The following LRP1B variants were observed in gnomAD, a reference collection of about 807,000 sequenced individuals.
LRP1B encodes the protein LDL receptor related protein 1B.
Under a neutral mutation model 556.6 loss-of-function variants are expected in LRP1B, and 217 were observed. That is an observed-to-expected ratio of 0.39 (90% CI 0.35 to 0.44). The LOEUF is 0.44. Among genes scored for constraint, LRP1B ranks in the 20% least tolerant of loss-of-function variants. The pLI is 1.00. For synonymous variants in LRP1B, 2,047 were observed against 1,865.8 expected (o/e 1.10, Z -2.50); for missense variants, 5,053 against 5,620.8 (o/e 0.90, Z 3.23).
chr2:141,431,481 A>G (rs183246305), intron 3 of LRP1B, among the ~76,000 whole-genome samples: 1 of 152,302 alleles, frequency 6.6e-6, no homozygotes, highest in Non-Finnish European at 1.5e-5. Flanking sequence ...AGTCCTTGCA[A>G]CTGTATAAAC....
intron 3 of LRP1B, among the ~76,000 whole-genome samples, chr2:141,333,259 T>C (rs368889547): frequency 2.0e-5 from 3 of 152,238 alleles, no homozygotes; most frequent in East Asian, 1.9e-4. Context: ...GGCACTAAGA[T>C]AGAAATATTT....
chr2:141,293,430 G>A (rs1281366680), intron 3 of LRP1B, among the ~76,000 whole-genome samples: 3 of 152,126 alleles, frequency 2.0e-5, no homozygotes, highest in Non-Finnish European at 4.4e-5. Context: ...TGAAACTGAA[G>A]TAACAATTCC....
At chr2:141,729,895 C>T (rs542240922) in intron 2 of LRP1B, among the ~76,000 whole-genome samples, 2 of 152,160 alleles carry the variant, frequency 1.3e-5, no homozygotes, top group African/African-American at 4.8e-5. Flanking sequence ...GAGCAAGAGT[C>T]TGATAACCTG....
At chr2:141,633,670 C>T (rs1325735307) in intron 2 of LRP1B, among the ~76,000 whole-genome samples, 1 of 151,980 alleles carries the variant, frequency 6.6e-6, no homozygotes, top group Non-Finnish European at 1.5e-5. Flanking sequence ...GCATTAAGTA[C>T]ATTCGCAGTG....
At chr2:141,127,789 TAA>T (rs1214439066) in intron 7 of LRP1B, among the ~76,000 whole-genome samples, 6 of 152,084 alleles carry the variant, frequency 3.9e-5, no homozygotes, top group African/African-American at 1.4e-4. Flanking sequence ...AAAATCACGC[TAA>T]GAGTCTCATT....
chr2:141,294,701 C>T (rs1016829041), intron 3 of LRP1B, among the ~76,000 whole-genome samples: 1 of 149,644 alleles, frequency 6.7e-6, no homozygotes, highest in Non-Finnish European at 1.5e-5. Context: ...GGCCACACCA[C>T]TGCATGCCAG....
At chr2:141,580,023 C>T (rs1686907944) in intron 2 of LRP1B, among the ~76,000 whole-genome samples, 1 of 152,116 alleles carries the variant, frequency 6.6e-6, no homozygotes. Flanking sequence ...TTTCTCTTTA[C>T]TGTTTTGATT....
intron 21 of LRP1B, among the ~76,000 whole-genome samples, chr2:140,918,613 T>C (rs1694649513): frequency 6.6e-6 from 1 of 152,118 alleles, no homozygotes; most frequent in African/African-American, 2.4e-5. Context: ...GTCGAAAGAA[T>C]GCAATCCCAC....
chr2:140,285,111 ATG>A (rs946655457), intron 84 of LRP1B, among the ~76,000 whole-genome samples: 1 of 149,930 alleles, frequency 6.7e-6, no homozygotes, highest in African/African-American at 2.4e-5. Flanking sequence ...CTATATATAT[ATG>A]TGTGTGTATA....
chr2:141,018,597 G>T (rs1456904761), intron 12 of LRP1B, among the ~76,000 whole-genome samples: 1 of 152,008 alleles, frequency 6.6e-6, no homozygotes, highest in Non-Finnish European at 1.5e-5. Flanking sequence ...CCACATTTAT[G>T]TCATCTCTTG....
intron 12 of LRP1B, among the ~76,000 whole-genome samples, chr2:141,016,794 C>T (rs1167619933): frequency 2.0e-5 from 3 of 152,014 alleles, no homozygotes; most frequent in African/African-American, 7.2e-5. Flanking sequence ...ATCTCATATA[C>T]AACTTTATAA....
chr2:141,200,842 G>C (rs1681982326), intron 6 of LRP1B, among the ~76,000 whole-genome samples: 1 of 152,134 alleles, frequency 6.6e-6, no homozygotes. Context: ...ATAGCCCATA[G>C]TAAGTGTTCC....
At chr2:140,671,582 C>T (rs966101227) in intron 41 of LRP1B, among the ~76,000 whole-genome samples, 14 of 152,180 alleles carry the variant, frequency 9.2e-5, no homozygotes. Flanking sequence ...AGGGAACATG[C>T]ACATTCCTTG....
chr2:141,277,615 G>T (rs72979280), intron 3 of LRP1B, among the ~76,000 whole-genome samples: 2,748 of 150,914 alleles, frequency 0.018, 77 homozygotes, highest in African/African-American at 0.063. Context: ...TATATAATCA[G>T]AAAATATATG....
At chr2:141,306,312 C>T (rs1686585872) in intron 3 of LRP1B, among the ~76,000 whole-genome samples, 3 of 151,978 alleles carry the variant, frequency 2.0e-5, no homozygotes, top group African/African-American at 7.2e-5. Context: ...TTTTATCACT[C>T]ATTATTGGGT....
intron 1 of LRP1B, among the ~76,000 whole-genome samples, chr2:142,107,794 ATTTTT>A (rs67962280): frequency 0.055 from 6,060 of 110,652 alleles, 409 homozygotes; most frequent in African/African-American, 0.19. Flanking sequence ...CGCCTAGCTA[ATTTTT>A]TTTTTTTTTT....
At chr2:140,293,268 T>C (rs1683466189) in intron 84 of LRP1B, among the ~76,000 whole-genome samples, 1 of 152,198 alleles carries the variant, frequency 6.6e-6, no homozygotes, top group African/African-American at 2.4e-5. Flanking sequence ...GTTAACCTCA[T>C]GCTTAACACC....
intron 75 of LRP1B, among the ~76,000 whole-genome samples, chr2:140,355,934 A>C (rs534585421): frequency 4.6e-5 from 7 of 152,074 alleles, no homozygotes; most frequent in Admixed American, 3.9e-4. Flanking sequence ...ACAAAAGCCC[A>C]TGACTCTCTA....
intron 1 of LRP1B, among the ~76,000 whole-genome samples, chr2:141,931,342 G>A (rs1700498665): frequency 6.6e-6 from 1 of 151,942 alleles, no homozygotes; most frequent in Admixed American, 6.6e-5. Context: ...TTACATGACT[G>A]CAAGAGTTTG....
Sources: gnomAD v4.1 joint callset for allele counts (sites outside exome capture counted in the v4.1 genomes callset) on GRCh38, gnomAD v4.1.1 for gene constraint, MANE v1.5 for transcripts, NCBI Gene and HGNC (gene_info 2026-07-23, HGNC 2026-07-21) for gene names.